Variants in GALNTL6 observed in about 807,000 individuals in gnomAD.
GALNTL6 encodes the protein polypeptide N-acetylgalactosaminyltransferase like 6.
A neutral mutation model predicts 73.7 loss-of-function variants in GALNTL6; 46 were observed. The ratio of observed to expected loss-of-function variants is 0.62; its 90% CI spans 0.49 to 0.80. The LOEUF (loss-of-function observed/expected upper bound fraction) is 0.80. GALNTL6 is among the 30% of genes least tolerant of loss of function. GALNTL6 has a pLI of 0.00. For missense variants in GALNTL6, 604 were observed against 755.0 expected (o/e 0.80, Z 2.34); for synonymous variants, 259 against 263.7 (o/e 0.98, Z 0.17).
intron 4 of GALNTL6, among the ~76,000 whole-genome samples, chr4:172,338,680 G>A (rs1330333380): frequency 6.6e-6 from 1 of 152,176 alleles, no homozygotes; most frequent in African/African-American, 2.4e-5. Flanking sequence ...GCGAGATATT[G>A]CCTGAGACAA....
chr4:172,453,095 G>A (rs189435464), intron 5 of GALNTL6, among the ~76,000 whole-genome samples: 108 of 152,152 alleles, frequency 7.1e-4, no homozygotes, highest in African/African-American at 2.4e-3. Context: ...CAGCTACTCC[G>A]GAGGCTGCGG....
rs553359174 is a variant in GALNTL6, at chr4:172,154,226, T to TTTTG, written c.139-75409_139-75406dup. Among the ~76,000 whole-genome samples the TTTTG allele has an allele frequency of 4.1e-3, 626 of 152,024 alleles. 4 individuals carry two copies. The highest frequency in any genetic ancestry group is 0.013 in the African/African-American group (543 of 41,456). Reference sequence around the variant, plus strand: ...AAAGGGAGTAAACCCTGACTTTGTTTTTTGTTTGTTTGTTTGTTTGTTTGA... The same window carrying TTTTG: ...AAAGGGAGTAAACCCTGACTTTGTTTTTTGTTTGTTTGTTTGTTTGTTTGTTTGA... On this transcript the variant is annotated intron_variant, in intron 2 of 12. Transcript: ENST00000506823.
At chr4:172,487,576 C>T (rs1441107145) in intron 5 of GALNTL6, among the ~76,000 whole-genome samples, 6 of 151,486 alleles carry the variant, frequency 4.0e-5, no homozygotes, top group Admixed American at 6.6e-5. Flanking sequence ...TTAGTAGAGA[C>T]GGAGTTTCAC....
chr4:172,964,559 G>A (rs1750239168), intron 10 of GALNTL6, among the ~76,000 whole-genome samples: 1 of 152,074 alleles, frequency 6.6e-6, no homozygotes, highest in African/African-American at 2.4e-5. Context: ...CAAGATTAAT[G>A]TCACCCCGAA....
chr4:172,593,811 C>T (rs770370438), intron 5 of GALNTL6, among the ~76,000 whole-genome samples: 2 of 151,990 alleles, frequency 1.3e-5, no homozygotes, highest in Non-Finnish European at 2.9e-5. Context: ...CTCACTGCAA[C>T]CTCCGCCTCC....
intron 2 of GALNTL6, among the ~76,000 whole-genome samples, chr4:172,049,231 A>C (rs1486814954): frequency 6.6e-6 from 1 of 150,770 alleles, no homozygotes; most frequent in Non-Finnish European, 1.5e-5. Flanking sequence ...ATGAAATAAA[A>C]ATTTTTTTTT....
At chr4:171,968,333 G>T (rs1187171499) in intron 2 of GALNTL6, among the ~76,000 whole-genome samples, 1 of 152,056 alleles carries the variant, frequency 6.6e-6, no homozygotes. Flanking sequence ...TCATTTTGGG[G>T]GTTCCAAGGG....
intron 2 of GALNTL6, among the ~76,000 whole-genome samples, chr4:172,227,629 A>G (rs1486846991): frequency 6.6e-6 from 1 of 152,168 alleles, no homozygotes; most frequent in East Asian, 1.9e-4. Flanking sequence ...ATAAAAAAAT[A>G]CTTCCTTCCC....
intron 3 of GALNTL6, among the ~76,000 whole-genome samples, chr4:172,276,205 G>A (rs568427215): frequency 4.6e-5 from 7 of 152,222 alleles, no homozygotes; most frequent in African/African-American, 1.4e-4. Flanking sequence ...TTTTATCTCC[G>A]AAGAAGAAAC....
chr4:172,859,845 C>T (rs1467880499), intron 7 of GALNTL6, among the ~76,000 whole-genome samples: 3 of 152,122 alleles, frequency 2.0e-5, no homozygotes, highest in African/African-American at 4.8e-5. Context: ...ATCTAGGTTG[C>T]GTGCACCTTC....
chr4:172,132,493 G>A (rs541054315), intron 2 of GALNTL6, among the ~76,000 whole-genome samples: 21 of 152,058 alleles, frequency 1.4e-4, no homozygotes, highest in African/African-American at 5.1e-4. Flanking sequence ...CCTCAATAGG[G>A]TTACTTTATT....
chr4:172,982,296 A>G (rs1323305725), intron 10 of GALNTL6, among the ~76,000 whole-genome samples: 1 of 152,118 alleles, frequency 6.6e-6, no homozygotes, highest in Non-Finnish European at 1.5e-5. Flanking sequence ...TGCTCTCTCC[A>G]TGACTCAATC....
intron 3 of GALNTL6, among the ~76,000 whole-genome samples, chr4:172,243,611 A>G: frequency 6.6e-6 from 1 of 152,114 alleles, no homozygotes; most frequent in South Asian, 2.1e-4. Flanking sequence ...CTTTAATCTC[A>G]TGATTAAAGT....
intron 2 of GALNTL6, among the ~76,000 whole-genome samples, chr4:171,998,362 C>A (rs1740560769): frequency 6.6e-6 from 1 of 152,058 alleles, no homozygotes; most frequent in Non-Finnish European, 1.5e-5. Context: ...TCCTTTGAGG[C>A]CTCTTTCCTG....
rs79627600 is a variant in GALNTL6 at position 172,142,604 on chromosome 4, G to T, written c.139-87052G>T. Among the ~76,000 whole-genome samples, 90 of 152,076 alleles carry T rather than the reference G, an allele frequency of 5.9e-4. No homozygotes were observed. The East Asian group carries it at 0.017, about 29-fold the overall frequency. ...ACTATACCAGAATTAAAACTCCCTT[G>T]AAGATAACTTGTCTGATGAACTATT... On this transcript the variant is annotated intron_variant, in intron 2 of 12. Transcript: ENST00000506823.
intron 7 of GALNTL6, among the ~76,000 whole-genome samples, chr4:172,872,072 C>T (rs187382118): frequency 1.3e-5 from 2 of 152,236 alleles, no homozygotes; most frequent in African/African-American, 2.4e-5. Flanking sequence ...GGATTACAGG[C>T]GTGAGCCACT....
chr4:172,118,741 A>G (rs745495045), intron 2 of GALNTL6, among the ~76,000 whole-genome samples: 2 of 151,872 alleles, frequency 1.3e-5, no homozygotes, highest in Non-Finnish European at 2.9e-5. Flanking sequence ...CAAACAAACA[A>G]AAAACAAAAA....
intron 5 of GALNTL6, among the ~76,000 whole-genome samples, chr4:172,447,830 AAAAT>A (rs763926183): frequency 2.0e-5 from 3 of 152,180 alleles, no homozygotes; most frequent in Admixed American, 1.3e-4. Flanking sequence ...GGGTTTTAAA[AAAAT>A]AAGAGCTTTA....
chr4:172,325,722 T>G (rs1024038915), intron 4 of GALNTL6, among the ~76,000 whole-genome samples: 1 of 151,952 alleles, frequency 6.6e-6, no homozygotes, highest in Non-Finnish European at 1.5e-5. Flanking sequence ...AAAAATGAAG[T>G]ATATATTCTT....
Sources: gnomAD v4.1 joint callset for allele counts (sites outside exome capture counted in the v4.1 genomes callset) on GRCh38, gnomAD v4.1.1 for gene constraint, MANE v1.5 for transcripts, NCBI Gene and HGNC (gene_info 2026-07-23, HGNC 2026-07-21) for gene names.